Variants in NLRC5 observed in about 807,000 individuals in gnomAD.
The protein encoded by NLRC5 is NLR family CARD domain containing 5.
A neutral mutation model predicts 206.9 loss-of-function variants in NLRC5; 114 were observed. The observed-to-expected ratio is 0.55, with a 90% CI of 0.47 to 0.64. The LOEUF is 0.64. NLRC5 is among the 30% of genes least tolerant of loss of function. NLRC5 has a pLI of 0.00. For missense variants in NLRC5, 2,008 were observed against 2,305.5 expected, an observed-to-expected ratio of 0.87 and a Z score of 2.64; for synonymous variants, 952 against 962.8, an observed-to-expected ratio of 0.99 and a Z score of 0.21.
At chr16:57,051,416 G>C in intron 23 of NLRC5, 122 bp from the exon 24 acceptor site, 1 of 734,400 alleles carries the variant, frequency 1.4e-6, no homozygotes, top group Non-Finnish European at 2.5e-6. Context: ...ACCCAGTGCT[G>C]GGAGGGAATG....
At position 57,070,502 on chromosome 16, in the gene NLRC5, C is replaced by T. The variant is rs369250785; in HGVS notation, c.4584-33C>T. ...CTCAGCTCCAGGGCTGGGCAGGCTG[C>T]GCTAACCCTTGCCTCTGCCTGGTCT... On this transcript the variant is annotated intron_variant, in intron 37 of 48. Coordinates refer to ENST00000688547, the MANE Select transcript of NLRC5 (RefSeq NM_001384950.1). 2,600 of 1,595,894 alleles carry T rather than the reference C, an allele frequency of 1.6e-3. 65 individuals are homozygous for T. In the South Asian group the frequency reaches 0.026, roughly 16 times the overall value.
rs1421674385 is a variant in NLRC5, at chr16:57,027,952, G to C, written c.2076-120G>C. On this transcript the variant is annotated intron_variant, in intron 6 of 48. Transcript: ENST00000688547. ...GCTTTGGTGGACGATTAGAAGTCTC[G>C]GCCATAATATGTATTTGTTAGTACT... The C allele has an allele frequency of 1.7e-5, 10 of 585,150 alleles. No homozygotes were observed. The East Asian group carries it at 2.9e-4, about 17-fold the overall frequency. The allele number at this position is 585,150 out of a possible 1,614,324, so 36.2% of individuals were successfully genotyped here.
Position 57,026,609 on chromosome 16 carries a change from G to A in NLRC5, c.1666G>A (p.Gly556Ser). 6.2e-7 allele frequency: 1 copy of A among 1,614,144 alleles called. No homozygotes were observed. Among genetic ancestry groups the A allele is most frequent in the Non-Finnish European group, 8.5e-7 (1 of 1,180,032 alleles). ...RWVQRTKARL[G>S]LSDHLPTFLA... ...GGTACAGCGGACCAAAGCTAGACTGGGCCTCTCAGACCACCTCCCCACCTT... is the reference window on the plus strand; with the variant it reads ...GGTACAGCGGACCAAAGCTAGACTGAGCCTCTCAGACCACCTCCCCACCTT... Residue 556 changes from glycine (G) to serine (S), a missense_variant, in exon 6 of 49, where the codon GGC becomes AGC. Coordinates refer to ENST00000688547, the MANE Select transcript of NLRC5 (RefSeq NM_001384950.1).
At chr16:57,076,429 G>C (rs527389754) in intron 39 of NLRC5, among the ~76,000 whole-genome samples, 1 of 152,332 alleles carries the variant, frequency 6.6e-6, no homozygotes, top group African/African-American at 2.4e-5. Flanking sequence ...ACTGATCTGC[G>C]TGAATCAGAG....
chr16:57,046,150 GAT>G (rs1291796054), intron 21 of NLRC5, among the ~76,000 whole-genome samples: 1 of 152,204 alleles, frequency 6.6e-6, no homozygotes, highest in Non-Finnish European at 1.5e-5. Flanking sequence ...TGCTTCCCAG[GAT>G]AGGATCTCTG....
chr16:57,057,306 C>A (rs2065800105), intron 27 of NLRC5, among the ~76,000 whole-genome samples: 1 of 152,214 alleles, frequency 6.6e-6, no homozygotes, highest in African/African-American at 2.4e-5. Context: ...TGCCTGTAAT[C>A]CCAGCTACTT....
chr16:57,061,682 G>T lies in NLRC5; in HGVS notation c.4135G>T (p.Ala1379Ser). The change falls in exon 32 of 49, where the codon GCA becomes TCA. Residue 1379 changes from alanine to serine, a missense_variant. Coordinates refer to ENST00000688547, the MANE Select transcript of NLRC5 (RefSeq NM_001384950.1). The stretch of plus-strand genomic sequence containing the variant: ...CCTCCTGAGCTTGGTGGGGCGACCC[G>T]CAGGGCTGTTCAGCCTCAGGTACCT... ...AILLSLVGRP[A>S]GLFSLRVQEP... is the part of the protein sequence containing the mutation. 2 of 1,607,386 alleles carry T rather than the reference G, an allele frequency of 1.2e-6. No homozygotes were observed. Among genetic ancestry groups the T allele is most frequent in the South Asian group, 1.1e-5 (1 of 90,784 alleles).
chr16:57,040,860 C>T lies in NLRC5; in HGVS notation c.2939+142C>T, dbSNP rs1274135327. 3.0e-5 allele frequency: 23 copies of T among 777,906 alleles called. No individual in the cohort carries two copies. The East Asian group carries it at 6.2e-4, about 21-fold the overall frequency. 48.2% of individuals were successfully genotyped at this position (777,906 alleles called of 1,614,324 possible). A position where few individuals can be genotyped will look rare whatever the true frequency, so the allele number is the denominator to read the frequency against. ...GCTGTGTCCAGGGGTCATGGCCTGG[C>T]TTCCCTACCTCCTACCTCCCCTGCC... is the stretch of plus-strand genomic sequence containing the variant. On this transcript the variant is annotated intron_variant, in intron 17 of 48. Coordinates refer to ENST00000688547, the MANE Select transcript of NLRC5 (RefSeq NM_001384950.1).
At chr16:57,055,005 G>C (rs375320923) in intron 25 of NLRC5, 27 bp from the exon 26 acceptor site, 16 of 1,614,082 alleles carry the variant, frequency 9.9e-6, no homozygotes, top group Non-Finnish European at 1.2e-5. Context: ...GGCCACAGCT[G>C]TCTGACCCAG....
At position 57,040,650 on chromosome 16, in the gene NLRC5, G is replaced by A. The variant is rs368668958; in HGVS notation, c.2871G>A (p.Arg957=). ...CCTGGCCTTGGTGATGTCCCTCCAG[G>A]GCTGCATTTCTTGACAGCCTCATGC... is the stretch of plus-strand genomic sequence containing the variant. ...EPEEQKGPQE[R]AAFLDSLMLQ... Residue 957 remains arginine, a splice_region_variant and synonymous_variant, in exon 17 of 49, where the codon AGG becomes AGA. Transcript: ENST00000688547. The A allele has an allele frequency of 3.7e-6, 6 of 1,613,956 alleles. No individual in the cohort carries two copies. The highest frequency in any genetic ancestry group is 5.1e-6 in the Non-Finnish European group (6 of 1,179,974).
chr16:57,044,913 G>T (rs1337916296), intron 20 of NLRC5, among the ~76,000 whole-genome samples: 1 of 144,438 alleles, frequency 6.9e-6, no homozygotes, highest in Non-Finnish European at 1.5e-5. Context: ...CTGTCTCAAA[G>T]AAAAAAAAAT....
chr16:57,021,669 C>T (rs1004985699), intron 3 of NLRC5, among the ~76,000 whole-genome samples: 1 of 152,228 alleles, frequency 6.6e-6, no homozygotes, highest in East Asian at 1.9e-4. Context: ...TCACACCTGG[C>T]TAGAGGTGTT....
chr16:57,065,177 T>TG (rs766587892), intron 32 of NLRC5, 35 bp from the exon 33 acceptor site: 100 of 1,412,146 alleles, frequency 7.1e-5, no homozygotes, highest in Middle Eastern at 1.9e-4. Context: ...CTGCTCACCT[T>TG]GGGGGGGCCT....
chr16:57,010,354 T>C (rs142957399), intron 1 of NLRC5, among the ~76,000 whole-genome samples: 1 of 152,268 alleles, frequency 6.6e-6, no homozygotes, highest in East Asian at 1.9e-4. Flanking sequence ...AAATATTTTC[T>C]CAGTAGATAT....
chr16:56,993,128 T>C (rs796915014), intron 1 of NLRC5, among the ~76,000 whole-genome samples: 335 of 147,132 alleles, frequency 2.3e-3, no homozygotes, highest in Admixed American at 4.7e-3. Flanking sequence ...TGTGTATATA[T>C]ATATACACAC....
intron 1 of NLRC5, among the ~76,000 whole-genome samples, chr16:56,993,168 G>GAC (rs1312619594): frequency 1.3e-4 from 13 of 102,626 alleles, no homozygotes; most frequent in East Asian, 3.4e-4. Flanking sequence ...CACATATATA[G>GAC]ACACACACAC....
chr16:57,011,720 C>CAAAAAA (rs34446834), intron 1 of NLRC5, among the ~76,000 whole-genome samples: 1 of 135,840 alleles, frequency 7.4e-6, no homozygotes. Flanking sequence ...GACCCTGTGT[C>CAAAAAA]AAAAAAAAAA....
Position 57,045,500 on chromosome 16 carries a change from G to A in NLRC5, c.3248+8G>A. 1 of 1,613,700 alleles carries A rather than the reference G, an allele frequency of 6.2e-7. No individual in the cohort carries two copies. Among genetic ancestry groups the A allele is most frequent in the Non-Finnish European group, 8.5e-7 (1 of 1,179,890 alleles). On this transcript the variant is annotated splice_region_variant and intron_variant, in intron 21 of 48. Coordinates refer to ENST00000688547, the MANE Select transcript of NLRC5 (RefSeq NM_001384950.1). ...AGGGGACAAGACAAGCAGGTGAGGAGGGAACGCTCGGGGTGGGGGAGTCCC... is the reference window on the plus strand; with the variant it reads ...AGGGGACAAGACAAGCAGGTGAGGAAGGAACGCTCGGGGTGGGGGAGTCCC...
At chr16:57,029,932 G>A in intron 9 of NLRC5, 63 bp from the exon 10 acceptor site, 38 of 1,608,946 alleles carry the variant, frequency 2.4e-5, no homozygotes, top group Middle Eastern at 1.7e-4. Context: ...TGCAAGGCAA[G>A]GAAGGTCTGG....
Sources: gnomAD v4.1 joint callset for allele counts (sites outside exome capture counted in the v4.1 genomes callset) on GRCh38, gnomAD v4.1.1 for gene constraint, MANE v1.5 for transcripts, NCBI Gene and HGNC (gene_info 2026-07-23, HGNC 2026-07-21) for gene names.